The following NCAM1 variants were observed in gnomAD, a reference collection of about 807,000 sequenced individuals.
NCAM1 encodes antigen recognized by monoclonal antibody 5.1H11.
NCAM1 carries 14 observed loss-of-function variants against 109.8 expected under a neutral mutation model. The observed-to-expected ratio is 0.13, with a 90% confidence interval of 0.08 to 0.20. NCAM1 has a LOEUF of 0.20. Among genes scored for constraint, NCAM1 ranks in the 10% least tolerant of loss-of-function variants. The pLI is 1.00. For synonymous variants in NCAM1, 418 were observed against 442.9 expected (o/e 0.94, Z 0.70); for missense variants, 774 against 1,109.9 (o/e 0.70, Z 4.30).
intron 1 of NCAM1, among the ~76,000 whole-genome samples, chr11:113,162,637 G>C (rs1036115861): frequency 6.6e-6 from 1 of 152,192 alleles, no homozygotes; most frequent in Non-Finnish European, 1.5e-5. Context: ...AATTGCTGTG[G>C]AGGGATAGCA....
intron 14 of NCAM1, chr11:113,246,057 T>C (rs1208315065): frequency 1.7e-5 from 8 of 459,870 alleles, no homozygotes; most frequent in Non-Finnish European, 1.9e-5. Flanking sequence ...CAGCCGTAGC[T>C]AATGCTTATT....
At chr11:112,988,989 A>G (rs1951391141) in intron 1 of NCAM1, among the ~76,000 whole-genome samples, 2 of 152,206 alleles carry the variant, frequency 1.3e-5, no homozygotes, top group African/African-American at 2.4e-5. Context: ...CTCAAGTGAT[A>G]TGCCCACCTT....
intron 1 of NCAM1, among the ~76,000 whole-genome samples, chr11:113,017,202 C>T (rs1203173032): frequency 3.9e-5 from 6 of 152,180 alleles, no homozygotes; most frequent in Non-Finnish European, 8.8e-5. Context: ...TCGTTTACTA[C>T]AGCTCGAGAG....
intron 1 of NCAM1, among the ~76,000 whole-genome samples, chr11:113,141,485 A>G (rs1246130291): frequency 1.3e-5 from 2 of 152,114 alleles, no homozygotes; most frequent in Non-Finnish European, 2.9e-5. Flanking sequence ...TCAAAAATAA[A>G]TGAATAAATA....
At chr11:112,985,090 C>A (rs938981119) in intron 1 of NCAM1, among the ~76,000 whole-genome samples, 3 of 151,736 alleles carry the variant, frequency 2.0e-5, no homozygotes, top group African/African-American at 7.2e-5. Flanking sequence ...CAATTTCATT[C>A]TTTTGCCTGT....
At chr11:112,976,074 A>G (rs549798911) in intron 1 of NCAM1, among the ~76,000 whole-genome samples, 3 of 152,068 alleles carry the variant, frequency 2.0e-5, no homozygotes, top group East Asian at 3.9e-4. Context: ...CCTGTGCAAT[A>G]TTAAGAGAAT....
intron 1 of NCAM1, among the ~76,000 whole-genome samples, chr11:113,179,110 G>A (rs1264129628): frequency 2.0e-5 from 3 of 152,188 alleles, no homozygotes; most frequent in Non-Finnish European, 2.9e-5. Context: ...AGATATGGGT[G>A]AATGCTACAA....
chr11:113,089,741 G>A (rs572610760), intron 1 of NCAM1, among the ~76,000 whole-genome samples: 92 of 152,292 alleles, frequency 6.0e-4, no homozygotes, highest in Non-Finnish European at 1.2e-3. Context: ...AAAAGCAACC[G>A]GGGAGGCATT....
rs547403668 is a variant in NCAM1 at position 113,263,828 on chromosome 11, T to C, written c.2131+3505T>C. The C allele has an allele frequency of 9.3e-5, 92 of 985,472 alleles. No homozygotes were observed. In the Admixed American group the frequency reaches 1.6e-3, roughly 17 times the overall value. 61.0% of individuals were successfully genotyped at this position (985,472 alleles called of 1,614,324 possible). The stretch of plus-strand genomic sequence containing the variant: ...AGGCATTAGTCCCCTACCTGGCCTG[T>C]GTGTGCTCAGTAGAGAAGGAGAGGG... On this transcript the variant is annotated intron_variant, in intron 17 of 19. Coordinates refer to ENST00000316851, the MANE Select transcript of NCAM1 (RefSeq NM_181351.5).
intron 18 of NCAM1, among the ~76,000 whole-genome samples, chr11:113,270,896 T>G (rs1366945621): frequency 2.0e-5 from 3 of 152,164 alleles, no homozygotes; most frequent in African/African-American, 7.2e-5. Flanking sequence ...ATGATCCAGA[T>G]ACTGTCCCTC....
chr11:112,979,612 A>C (rs1452717093), intron 1 of NCAM1, among the ~76,000 whole-genome samples: 2 of 151,760 alleles, frequency 1.3e-5, no homozygotes, highest in Admixed American at 1.3e-4. Context: ...GTCGACTGGA[A>C]TCTCCTGTTT....
At chr11:113,270,104 C>A (rs1555124945) in intron 17 of NCAM1, 84 bp from the exon 18 acceptor site, 2 of 1,366,850 alleles carry the variant, frequency 1.5e-6, no homozygotes, top group Admixed American at 1.7e-5. Context: ...TGGGCCCTCC[C>A]CACCCGCAGG....
intron 9 of NCAM1, among the ~76,000 whole-genome samples, chr11:113,229,799 TGGAAACCA>T (rs2137206633): frequency 6.6e-6 from 1 of 152,280 alleles, no homozygotes; most frequent in Non-Finnish European, 1.5e-5. Flanking sequence ...TGGATGAAGC[TGGAAACCA>T]TCGTTCTCAG....
At chr11:113,207,417 G>C in intron 6 of NCAM1, 39 bp downstream of exon 6, 3 of 1,523,434 alleles carry the variant, frequency 2.0e-6, no homozygotes, top group Non-Finnish European at 2.7e-6. Flanking sequence ...TGGACTAGAG[G>C]AGAATGGGGC....
chr11:113,145,664 G>A (rs1301006327), intron 1 of NCAM1, among the ~76,000 whole-genome samples: 1 of 152,144 alleles, frequency 6.6e-6, no homozygotes, highest in Non-Finnish European at 1.5e-5. Flanking sequence ...CCAAGTCCAT[G>A]TAAAGAAGGG....
chr11:113,227,736 T>C (rs1476195106), intron 9 of NCAM1, among the ~76,000 whole-genome samples: 2 of 152,206 alleles, frequency 1.3e-5, no homozygotes, highest in Non-Finnish European at 2.9e-5. Context: ...TTATCCACCA[T>C]GATCAAGTGG....
chr11:113,193,411 C>T (rs547806886), intron 1 of NCAM1, among the ~76,000 whole-genome samples: 12 of 152,192 alleles, frequency 7.9e-5, no homozygotes, highest in South Asian at 2.1e-4. Flanking sequence ...TTCGAGAGGC[C>T]GAGGCGGTTG....
intron 1 of NCAM1, among the ~76,000 whole-genome samples, chr11:113,162,175 C>T (rs2136361091): frequency 6.6e-6 from 1 of 152,246 alleles, no homozygotes; most frequent in South Asian, 2.1e-4. Flanking sequence ...CAGGCAATTG[C>T]TACAGGAACA....
intron 1 of NCAM1, among the ~76,000 whole-genome samples, chr11:112,985,655 A>T (rs1951280215): frequency 6.6e-6 from 1 of 151,774 alleles, no homozygotes; most frequent in Non-Finnish European, 1.5e-5. Context: ...TAAGTATTTT[A>T]TAATTTTTGA....
Sources: gnomAD v4.1 joint callset for allele counts (sites outside exome capture counted in the v4.1 genomes callset) on GRCh38, gnomAD v4.1.1 for gene constraint, MANE v1.5 for transcripts, NCBI Gene and HGNC (gene_info 2026-07-23, HGNC 2026-07-21) for gene names.